Variants in ZFHX2 observed in about 807,000 individuals in gnomAD.
The protein encoded by ZFHX2 is zinc finger homeobox 2.
In ZFHX2, 75 loss-of-function variants were observed where a neutral mutation model predicts 164.8. The observed-to-expected ratio is 0.46, with a 90% confidence interval of 0.38 to 0.55. The LOEUF is 0.55. ZFHX2 is among the 20% of genes least tolerant of loss of function. The probability of loss-of-function intolerance (pLI) is 0.00; values close to 1 mark genes in which losing one functional copy is unlikely to be tolerated. For synonymous variants in ZFHX2, 1,217 were observed against 1,351.4 expected (o/e 0.90, Z 2.18); for missense variants, 2,933 against 3,308.0 (o/e 0.89, Z 2.78).
Position 23,522,857 on chromosome 14 carries a change from C to T in ZFHX2, c.6824G>A (p.Arg2275His), listed in dbSNP as rs138665598. 6.9e-5 allele frequency: 105 copies of T among 1,524,514 alleles called. No homozygotes were observed. The highest frequency in any genetic ancestry group is 8.5e-5 in the South Asian group (7 of 82,086). The allele number at this position is 1,524,514 out of a possible 1,614,324, so 94.4% of individuals were successfully genotyped here. A position where few individuals can be genotyped will look rare whatever the true frequency, so the allele number is the denominator to read the frequency against. Residue 2275 changes from arginine (R) to histidine (H), a missense_variant, in exon 10 of 10, where the codon CGC (arginine) becomes CAC (histidine). Transcript: ENST00000419474. ...GGGCATGGGTCTCTGAGGTAAGGGG[C>T]GGCCTGGGCCAGCAGTCTGGACCAC... is the stretch of plus-strand genomic sequence containing the variant. The part of the protein sequence containing the change: ...TTVVQTAGPG[R>H]PLPQRPMPDQ...
Position 23,521,802 on chromosome 14 carries a change from G to A in ZFHX2, c.*160C>T. The A allele has an allele frequency of 2.3e-6, 3 of 1,277,680 alleles. No homozygotes were observed. The South Asian group carries it at 4.7e-5, about 20-fold the overall frequency. The allele number at this position is 1,277,680 out of a possible 1,614,324, so 79.1% of individuals were successfully genotyped here. On this transcript the variant is annotated 3_prime_UTR_variant, in exon 10 of 10. Transcript: ENST00000419474. ...GGGAGGAGGCAGGACTCTGCTGGAA[G>A]TGGGGTGTGTGGTGCCCACTGAGGG...
chr14:23,541,106 A>G (rs1339681150), intron 1 of ZFHX2, among the ~76,000 whole-genome samples: 1 of 151,682 alleles, frequency 6.6e-6, no homozygotes. Flanking sequence ...GGGTTTCACC[A>G]TGTTGGCCAG....
chr14:23,555,172 G>C (rs1882259838), upstream of ZFHX2, among the ~76,000 whole-genome samples: 2 of 151,900 alleles, frequency 1.3e-5, no homozygotes, highest in Non-Finnish European at 2.9e-5. Context: ...ATTTTTAGTA[G>C]AGACGGCGGG....
chr14:23,536,389 C>T (rs1288451854), intron 1 of ZFHX2, among the ~76,000 whole-genome samples: 1 of 152,152 alleles, frequency 6.6e-6, no homozygotes, highest in Non-Finnish European at 1.5e-5. Flanking sequence ...AATTGATTTC[C>T]CCTGGCATGC....
Position 23,526,230 on chromosome 14 carries a change from G to T in ZFHX2, c.3712C>A (p.Pro1238Thr), listed in dbSNP as rs1189767907. Residue 1238 changes from proline to threonine, a missense_variant, in exon 9 of 10, where the codon CCC becomes ACC. Coordinates refer to ENST00000419474, the MANE Select transcript of ZFHX2 (RefSeq NM_033400.3). ...APARGEAGAP[P>T]TTTAATDKPF... ...TTGTCTGTGGCAGCAGTGGTGGTGG[G>T]TGGGGCACCGGCCTCTCCCCGTGCA... The T allele has an allele frequency of 6.5e-7, 1 of 1,536,244 alleles. No individual in the cohort carries two copies. The highest frequency in any genetic ancestry group is 8.7e-7 in the Non-Finnish European group (1 of 1,146,920).
At position 23,521,517 on chromosome 14, in the gene ZFHX2, A is replaced by C. The variant is rs1392102849; in HGVS notation, c.*445T>G. The C allele has an allele frequency of 6.4e-6, 1 of 155,552 alleles. No homozygotes were observed. The highest frequency in any genetic ancestry group is 2.4e-5 in the African/African-American group (1 of 41,356). The allele number at this position is 155,552 out of a possible 1,614,324, so 9.6% of individuals were successfully genotyped here. A position where few individuals can be genotyped will look rare whatever the true frequency, so the allele number is the denominator to read the frequency against. ...TTTCTTCTTTTTATCTTCTTTTTCAAAATTTTTTGGTGTTTTCTCAGTGGA... is the reference window on the plus strand; with the variant it reads ...TTTCTTCTTTTTATCTTCTTTTTCACAATTTTTTGGTGTTTTCTCAGTGGA... On this transcript the variant is annotated 3_prime_UTR_variant, in exon 10 of 10. Coordinates refer to ENST00000419474, the MANE Select transcript of ZFHX2 (RefSeq NM_033400.3).
Position 23,524,923 on chromosome 14 carries a change from C to T in ZFHX2, c.5019G>A (p.Arg1673=). 1 of 1,536,294 alleles carries T rather than the reference C, an allele frequency of 6.5e-7. No individual in the cohort carries two copies. Among genetic ancestry groups the T allele is most frequent in the Non-Finnish European group, 8.7e-7 (1 of 1,146,934 alleles). ...GGGTGGASGC[R]RCHATFSCVF... ...CACAGGAGAAAGTGGCGTGGCAACGCCTGCAGCCGGAGGCTCCCCCAGTGC... is the reference window on the plus strand; with the variant it reads ...CACAGGAGAAAGTGGCGTGGCAACGTCTGCAGCCGGAGGCTCCCCCAGTGC... Residue 1673 remains arginine, a synonymous_variant, in exon 9 of 10, where the codon AGG becomes AGA. Coordinates refer to ENST00000419474, the MANE Select transcript of ZFHX2 (RefSeq NM_033400.3). The surrounding 1 kb of genome is among the most constrained non-coding windows in gnomAD (Gnocchi z 5.6).
chr14:23,527,042 C>A (rs1009345413), intron 7 of ZFHX2, 69 bp from the exon 8 acceptor site: 2 of 1,440,630 alleles, frequency 1.4e-6, no homozygotes, highest in East Asian at 5.0e-5. Flanking sequence ...CCTGACCCAT[C>A]TGCCCTACAC....
intron 4 of ZFHX2, 166 bp downstream of exon 4, chr14:23,531,315 G>T: frequency 9.4e-7 from 1 of 1,062,464 alleles, no homozygotes; most frequent in East Asian, 3.2e-5. Flanking sequence ...CACAGTGCCT[G>T]ACACGCTCAT....
At chr14:23,538,534 A>C (rs913725635) in intron 1 of ZFHX2, among the ~76,000 whole-genome samples, 1 of 152,136 alleles carries the variant, frequency 6.6e-6, no homozygotes, top group South Asian at 2.1e-4. Flanking sequence ...GACAGGCCTA[A>C]GAGTCATCCC....
chr14:23,527,581 G>A (rs1308130608), intron 7 of ZFHX2, 23 bp downstream of exon 7: 15 of 1,536,086 alleles, frequency 9.8e-6, no homozygotes, highest in South Asian at 3.6e-5. Flanking sequence ...TTGTTGTACC[G>A]TCCTCACCCA....
In ZFHX2 at chr14:23,525,524, G is replaced by C; in HGVS notation, c.4418C>G (p.Ala1473Gly). 1 of 1,535,666 alleles carries C rather than the reference G, an allele frequency of 6.5e-7. No homozygotes were observed. Among genetic ancestry groups the C allele is most frequent in the East Asian group, 2.4e-5 (1 of 40,904 alleles). ...GGCCAGCTTGTCCCCACCCCCGAGG[G>C]CCTCAGGTGGGGGTGGGGTAGGGGG... ...PPPPTPPPPE[A>G]LGGGDKLACG... The change falls in exon 9 of 10, where the codon GCC becomes GGC. Residue 1473 changes from alanine to glycine, a missense_variant. Physicochemically the swap from Ala to Gly is moderately conservative, Grantham distance 60 (BLOSUM62 0). Transcript: ENST00000419474. This position sits in a 1 kb window ranked among gnomAD's most constrained non-coding sequence, Gnocchi z 5.9.
chr14:23,540,758 A>G (rs1239577685), intron 1 of ZFHX2, among the ~76,000 whole-genome samples: 1 of 152,170 alleles, frequency 6.6e-6, no homozygotes, highest in Non-Finnish European at 1.5e-5. Context: ...AGTTGTGAAG[A>G]CCAGATAGGT....
intron 1 of ZFHX2, chr14:23,543,217 A>G (rs886483736): frequency 4.6e-5 from 7 of 152,386 alleles, no homozygotes; most frequent in African/African-American, 1.7e-4. Context: ...CAAGTATCAC[A>G]TCACCTAATC....
Position 23,522,413 on chromosome 14 carries a change from G to A in ZFHX2, c.7268C>T (p.Ala2423Val). 1 of 1,536,440 alleles carries A rather than the reference G, an allele frequency of 6.5e-7. No individual in the cohort carries two copies. Among genetic ancestry groups the A allele is most frequent in the Non-Finnish European group, 8.7e-7 (1 of 1,146,926 alleles). ...CTCACCAGCTTCCCCCTCCCCTGGA[G>A]CAGGCAGTTCAGGAGGCTTTGGAGG... ...TAPPKPPELP[A>V]PGEGEAGEVD... is the part of the protein sequence containing the mutation. Residue 2423 changes from alanine to valine, a missense_variant, in exon 10 of 10, where the codon GCT becomes GTT. Transcript: ENST00000419474.
chr14:23,547,015 A>T (rs1881461945), intron 1 of ZFHX2, among the ~76,000 whole-genome samples: 1 of 152,164 alleles, frequency 6.6e-6, no homozygotes, highest in East Asian at 1.9e-4. Context: ...TCACCTCGTG[A>T]TTCCTGATTG....
chr14:23,544,005 A>C (rs1881103290), intron 1 of ZFHX2: 1 of 152,124 alleles, frequency 6.6e-6, no homozygotes, highest in African/African-American at 2.4e-5. Flanking sequence ...TAATTCCAGC[A>C]CTTTGGGAGG....
At position 23,521,389 on chromosome 14, in the gene ZFHX2, T is replaced by C. The variant is rs1306233749; in HGVS notation, c.*573A>G. 1 of 152,132 alleles carries C rather than the reference T, an allele frequency of 6.6e-6. No homozygotes were observed. Among genetic ancestry groups the C allele is most frequent in the Non-Finnish European group, 1.5e-5 (1 of 68,112 alleles). The allele number at this position is 152,132 out of a possible 1,614,324, so 9.4% of individuals were successfully genotyped here. A position where few individuals can be genotyped will look rare whatever the true frequency, so the allele number is the denominator to read the frequency against. On this transcript the variant is annotated 3_prime_UTR_variant, in exon 10 of 10. Transcript: ENST00000419474. ...GAGCCAACTGAGCATTTGGAAAGAGTTTGTGAGCGGTGTGGTGCTCTAGAC... is the reference window on the plus strand; with the variant it reads ...GAGCCAACTGAGCATTTGGAAAGAGCTTGTGAGCGGTGTGGTGCTCTAGAC...
intron 1 of ZFHX2, chr14:23,543,429 T>C (rs1467953712): frequency 6.6e-6 from 1 of 152,264 alleles, no homozygotes; most frequent in East Asian, 1.9e-4. Flanking sequence ...GGTATGCATT[T>C]TGAATGAGGT....
Sources: gnomAD v4.1 joint callset for allele counts (sites outside exome capture counted in the v4.1 genomes callset) on GRCh38, gnomAD v4.1.1 for gene constraint, Gnocchi (gnomAD v3.1) non-coding constraint, MANE v1.5 for transcripts, NCBI Gene and HGNC (gene_info 2026-07-23, HGNC 2026-07-21) for gene names.